BLM: variants seen among roughly 807,000 people sequenced by gnomAD.
BLM encodes recQ-like DNA helicase BLM.
A neutral mutation model predicts 135.3 loss-of-function variants in BLM; 95 were observed. The observed-to-expected ratio is 0.70, with a 90% CI of 0.59 to 0.83. The LOEUF (loss-of-function observed/expected upper bound fraction) is 0.83, where lower values mean the gene tolerates loss of function less well. Among genes scored for constraint, BLM ranks in the 40% least tolerant of loss-of-function variants. BLM has a pLI of 0.00. For missense variants in BLM, 1,518 were observed against 1,663.9 expected (o/e 0.91, Z 1.53); for synonymous variants, 520 against 589.2 (o/e 0.88, Z 1.70).
At chr15:90,809,024 C>A in intron 19 of BLM, 113 bp from the exon 20 acceptor site, 1 of 1,468,022 alleles carries the variant, frequency 6.8e-7, no homozygotes, top group South Asian at 1.1e-5. Flanking sequence ...GTTCCCAGTA[C>A]CCTGCAGTTA....
intron 1 of BLM, among the ~76,000 whole-genome samples, chr15:90,733,836 A>G (rs1232159690): frequency 6.6e-6 from 1 of 152,160 alleles, no homozygotes; most frequent in African/African-American, 2.4e-5. Flanking sequence ...GGTTTCTGTC[A>G]CTGTAGAATA....
chr15:90,745,479 A>G (rs1895475968), intron 1 of BLM, among the ~76,000 whole-genome samples: 1 of 152,080 alleles, frequency 6.6e-6, no homozygotes, highest in Non-Finnish European at 1.5e-5. Flanking sequence ...GCACAATCTC[A>G]GCTCACTGCA....
At chr15:90,765,144 A>G (rs1184587568) in intron 8 of BLM, 152 bp from the exon 9 acceptor site, 1 of 709,080 alleles carries the variant, frequency 1.4e-6, no homozygotes, top group African/African-American at 1.8e-5. Context: ...TTGCCTAAAT[A>G]TAATAGTTTG....
chr15:90,748,255 T>C (rs941689885), intron 2 of BLM, among the ~76,000 whole-genome samples: 2 of 151,910 alleles, frequency 1.3e-5, no homozygotes, highest in Non-Finnish European at 2.9e-5. Flanking sequence ...ATTACAGGCA[T>C]GCACCACCAT....
intron 7 of BLM, 145 bp from the exon 8 acceptor site, chr15:90,762,821 G>A: frequency 2.5e-6 from 2 of 793,770 alleles, no homozygotes. Flanking sequence ...TTTGAGACTT[G>A]TAGGGAAGGA....
intron 12 of BLM, among the ~76,000 whole-genome samples, chr15:90,781,963 A>G (rs774279593): frequency 3.3e-5 from 5 of 152,150 alleles, no homozygotes; most frequent in Non-Finnish European, 7.4e-5. Context: ...TTTCTCTTCC[A>G]CAATCCTAAT....
chr15:90,799,224 G>A (rs1897107667), intron 17 of BLM, among the ~76,000 whole-genome samples: 1 of 151,790 alleles, frequency 6.6e-6, no homozygotes, highest in Non-Finnish European at 1.5e-5. Context: ...TTTGACCCTG[G>A]GTGATAGAAA....
chr15:90,786,506 G>A (rs1297366525), intron 14 of BLM, among the ~76,000 whole-genome samples: 1 of 152,198 alleles, frequency 6.6e-6, no homozygotes, highest in African/African-American at 2.4e-5. Flanking sequence ...TGAGGTGCCA[G>A]TGTCTCCACG....
intron 18 of BLM, 132 bp from the exon 19 acceptor site, chr15:90,804,034 TC>T: frequency 1.2e-6 from 1 of 835,926 alleles, no homozygotes; most frequent in Non-Finnish European, 1.9e-6. Context: ...CAGCCCCTGT[TC>T]CCAGTGGGCT....
At position 90,750,051 on chromosome 15, in the gene BLM, T is replaced by C. The variant is rs2151148198; in HGVS notation, c.783T>C (p.His261=). 1 of 1,614,136 alleles carries C rather than the reference T, an allele frequency of 6.2e-7. No individual in the cohort carries two copies. Among genetic ancestry groups the C allele is most frequent in the South Asian group, 1.1e-5 (1 of 91,086 alleles). ...AGGAAAGTGACTCTCTGAAAACTCATTTGGAAGATGAAAGAGGTAACAATT... is the reference window on the plus strand; with the variant it reads ...AGGAAAGTGACTCTCTGAAAACTCACTTGGAAGATGAAAGAGGTAACAATT... The part of the protein sequence containing the change: ...DAQESDSLKT[H]LEDERDNSEK... The change falls in exon 3 of 22, where the codon CAT becomes CAC. Residue 261 remains histidine (H), a synonymous_variant. Coordinates refer to ENST00000355112, the MANE Select transcript of BLM (RefSeq NM_000057.4).
chr15:90,794,175 G>T lies in BLM; in HGVS notation c.3028G>T (p.Asp1010Tyr). 1 of 1,600,336 alleles carries T rather than the reference G, an allele frequency of 6.2e-7. No individual in the cohort carries two copies. Among genetic ancestry groups the T allele is most frequent in the South Asian group, 1.1e-5 (1 of 89,400 alleles). ...RLKRLIMMEK[D>Y]GNHHTRETHF... ...GTCTTCATCTCTTTTAGTGGAAAAA[G>T]ATGGAAACCATCATACAAGAGAAAC... Residue 1010 changes from aspartate (D) to tyrosine (Y), a missense_variant, in exon 16 of 22, where the codon GAT (aspartate) becomes TAT (tyrosine). By Grantham distance (160) the Asp-to-Tyr change is radical (BLOSUM62 -3). This residue lies in a region of BLM where 626 missense variants were observed against 681.1 expected (regional missense o/e 0.92). Transcript: ENST00000355112.
rs757929206 is a variant in BLM, at chr15:90,794,273, G to A, written c.3126G>A (p.Leu1042=). The part of the protein sequence containing the change: ...NITECRRIQL[L]AYFGENGFNP... ...CGGAATGCAGGAGAATACAGCTTTT[G>A]GCCTACTTTGGTGAAAATGGATTTA... The change falls in exon 16 of 22, where the codon TTG becomes TTA. Residue 1042 remains leucine, a synonymous_variant. Transcript: ENST00000355112. The A allele has an allele frequency of 3.7e-6, 6 of 1,606,884 alleles. No individual in the cohort carries two copies. In the South Asian group the frequency reaches 4.5e-5, roughly 12 times the overall value.
At chr15:90,777,794 C>T (rs1193856065) in intron 12 of BLM, among the ~76,000 whole-genome samples, 1 of 152,158 alleles carries the variant, frequency 6.6e-6, no homozygotes, top group Non-Finnish European at 1.5e-5. Context: ...AAGTTTACAG[C>T]ATTTTTATCA....
chr15:90,794,847 C>T (rs7173846), intron 16 of BLM, among the ~76,000 whole-genome samples: 26,052 of 150,126 alleles, frequency 0.17, 3,472 homozygotes, highest in African/African-American at 0.38. Flanking sequence ...ACTAGTGTAC[C>T]GTATGTTTGA....
chr15:90,813,876 T>C (rs1439492311), intron 21 of BLM, among the ~76,000 whole-genome samples: 1 of 152,174 alleles, frequency 6.6e-6, no homozygotes, highest in African/African-American at 2.4e-5. Context: ...CTCCCCACCC[T>C]ACCCTCAGAG....
At position 90,798,267 on chromosome 15, in the gene BLM, A is replaced by G. The variant is rs1897079440; in HGVS notation, c.3288A>G (p.Gly1096=). ...TTCAAGAACATAGTTCATCACAAGGAATGAGAAATATAAAACATGTAGGTC... is the reference window on the plus strand; with the variant it reads ...TTCAAGAACATAGTTCATCACAAGGGATGAGAAATATAAAACATGTAGGTC... ...RFVQEHSSSQ[G]MRNIKHVGPS... Residue 1096 remains glycine, a synonymous_variant, in exon 17 of 22, where the codon GGA becomes GGG. Coordinates refer to ENST00000355112, the MANE Select transcript of BLM (RefSeq NM_000057.4). 6.2e-7 allele frequency: 1 copy of G among 1,612,200 alleles called. No individual in the cohort carries two copies. Among genetic ancestry groups the G allele is most frequent in the Admixed American group, 1.7e-5 (1 of 59,892 alleles).
chr15:90,727,474 G>A (rs1252307107), intron 1 of BLM, among the ~76,000 whole-genome samples: 3 of 152,204 alleles, frequency 2.0e-5, no homozygotes, highest in African/African-American at 7.2e-5. Context: ...GTCCCTGGCT[G>A]TGTCTGAGAA....
chr15:90,791,942 A>G (rs1010061231), intron 15 of BLM, among the ~76,000 whole-genome samples: 4 of 151,898 alleles, frequency 2.6e-5, no homozygotes, highest in African/African-American at 9.7e-5. Flanking sequence ...GCCCGGCCTT[A>G]TAGGATAAAT....
chr15:90,767,077 T>C lies in BLM; in HGVS notation c.2307+54T>C, dbSNP rs1292448184. On this transcript the variant is annotated intron_variant, in intron 10 of 21. Coordinates refer to ENST00000355112, the MANE Select transcript of BLM (RefSeq NM_000057.4). ...ATATTAAAGACCACTAGAATACATA[T>C]ATTTTTAAGATTTTAACAAAATTTT... The C allele has an allele frequency of 2.5e-6, 3 of 1,181,330 alleles. No homozygotes were observed. In the East Asian group the frequency reaches 8.0e-5, roughly 31 times the overall value. The allele number at this position is 1,181,330 out of a possible 1,614,324, so 73.2% of individuals were successfully genotyped here.
Sources: gnomAD v4.1 joint callset for allele counts (sites outside exome capture counted in the v4.1 genomes callset) on GRCh38, gnomAD v4.1.1 for gene constraint, gnomAD v4.1.1 regional missense constraint, MANE v1.5 for transcripts, NCBI Gene and HGNC (gene_info 2026-07-23, HGNC 2026-07-21) for gene names.